The following DGLUCY variants were observed in gnomAD, a reference collection of about 807,000 sequenced individuals.
DGLUCY encodes D-glutamate cyclase.
A neutral mutation model predicts 58.5 loss-of-function variants in DGLUCY; 58 were observed. The observed-to-expected ratio is 0.99, with a 90% CI of 0.80 to 1.23. DGLUCY has a LOEUF of 1.23. DGLUCY is among the 50% of genes most tolerant of loss of function. DGLUCY has a pLI of 0.00. For synonymous variants in DGLUCY, 325 were observed against 314.1 expected (o/e 1.03, Z -0.37); for missense variants, 779 against 784.7 (o/e 0.99, Z 0.09).
chr14:91,111,194 TTA>T (rs59022805), upstream of DGLUCY, among the ~76,000 whole-genome samples: 81,152 of 118,882 alleles, frequency 0.68, 26,231 homozygotes, highest in Admixed American at 0.75. Flanking sequence ...TTCTTTTTAT[TTA>T]TATATATGTG....
chr14:91,184,014 G>C (rs560278161), intron 8 of DGLUCY, among the ~76,000 whole-genome samples: 1 of 151,930 alleles, frequency 6.6e-6, no homozygotes, highest in African/African-American at 2.4e-5. Context: ...CGGCCCACCT[G>C]ACTCTCATTC....
In DGLUCY at chr14:91,178,019, G is replaced by A. The variant is rs114091915; in HGVS notation, c.730+1963G>A. On this transcript the variant is annotated intron_variant, in intron 7 of 13. Transcript: ENST00000256324. ...CCTCACCGCTTTCCCACCATCGGTC[G>A]TGGCAGGTGCCCTGCAGAGGAGATC... 3.7e-3 allele frequency among the ~76,000 whole-genome samples: 567 copies of A among 152,352 alleles called. 6 individuals carry two copies. Among genetic ancestry groups the A allele is most frequent in the African/African-American group, 0.013 (526 of 41,582 alleles).
At chr14:91,106,528 G>T (rs1286032486), upstream of DGLUCY, among the ~76,000 whole-genome samples, 2 of 151,690 alleles carry the variant, frequency 1.3e-5, no homozygotes, top group African/African-American at 4.8e-5. Flanking sequence ...CCAACATAGT[G>T]AAACCCCGTC....
intron 1 of DGLUCY, among the ~76,000 whole-genome samples, chr14:91,132,893 A>G (rs1363101952): frequency 6.6e-6 from 1 of 152,112 alleles, no homozygotes; most frequent in Non-Finnish European, 1.5e-5. Flanking sequence ...CAGGTCCCTC[A>G]TATCAGTGGA....
chr14:91,106,161 A>C (rs1316294405), upstream of DGLUCY, among the ~76,000 whole-genome samples: 3 of 151,810 alleles, frequency 2.0e-5, no homozygotes, highest in African/African-American at 7.3e-5. Context: ...TATAAAAATT[A>C]GCCCGGCATG....
intron 1 of DGLUCY, among the ~76,000 whole-genome samples, chr14:91,102,755 G>GTGTGTGTA (rs1413551803): frequency 3.1e-4 from 46 of 149,568 alleles, no homozygotes; most frequent in Non-Finnish European, 4.9e-4. Context: ...GTGTGTGTGT[G>GTGTGTGTA]TGTGTGTGTG....
At chr14:91,223,362 G>A (rs1567020863) in intron 13 of DGLUCY, among the ~76,000 whole-genome samples, 1 of 152,180 alleles carries the variant, frequency 6.6e-6, no homozygotes. Context: ...CCTGAGCAGG[G>A]AGAGAGCCTT....
chr14:91,134,067 G>A (rs1208900773), intron 1 of DGLUCY, among the ~76,000 whole-genome samples: 1 of 152,028 alleles, frequency 6.6e-6, no homozygotes, highest in Non-Finnish European at 1.5e-5. Flanking sequence ...TTAATATCTG[G>A]TAGAGGACAA....
intron 13 of DGLUCY, among the ~76,000 whole-genome samples, chr14:91,219,190 GA>G (rs1201009568): frequency 2.6e-5 from 4 of 151,026 alleles, no homozygotes; most frequent in Admixed American, 6.6e-5. Context: ...AAAAAAAAAA[GA>G]AAAAAAAATT....
intron 1 of DGLUCY, among the ~76,000 whole-genome samples, chr14:91,098,231 A>G (rs1729096526): frequency 6.6e-6 from 1 of 152,214 alleles, no homozygotes; most frequent in African/African-American, 2.4e-5. Context: ...CTGAGGCAGG[A>G]GGATCACTTG....
At chr14:91,207,830 T>G (rs1283201318) in intron 12 of DGLUCY, among the ~76,000 whole-genome samples, 1 of 152,228 alleles carries the variant, frequency 6.6e-6, no homozygotes, top group African/African-American at 2.4e-5. Flanking sequence ...CGCCACAGCC[T>G]CCTCCTCCCA....
intron 12 of DGLUCY, among the ~76,000 whole-genome samples, chr14:91,210,437 C>A (rs1885494739): frequency 6.6e-6 from 1 of 152,068 alleles, no homozygotes; most frequent in African/African-American, 2.4e-5. Flanking sequence ...GAGGCTGAGG[C>A]AGGAGGATTG....
At chr14:91,072,050 T>G (rs938019410) in intron 1 of DGLUCY, among the ~76,000 whole-genome samples, 4 of 151,980 alleles carry the variant, frequency 2.6e-5, no homozygotes, top group Non-Finnish European at 4.4e-5. Flanking sequence ...CAGCCAGGCG[T>G]TGGGGCTCAT....
At chr14:91,224,522 TC>T (rs1210855090) in intron 13 of DGLUCY, among the ~76,000 whole-genome samples, 161 bp from the exon 14 acceptor site, 2 of 152,340 alleles carry the variant, frequency 1.3e-5, no homozygotes, top group Non-Finnish European at 2.9e-5. Flanking sequence ...CACTTACTTT[TC>T]ATGACTTTTC....
At chr14:91,103,121 G>A (rs1170767297), upstream of DGLUCY, among the ~76,000 whole-genome samples, 1 of 152,022 alleles carries the variant, frequency 6.6e-6, no homozygotes, top group Non-Finnish European at 1.5e-5. Context: ...TCAGGCCCAA[G>A]GGAGAGCAAC....
chr14:91,125,325 C>T (rs1331834156), intron 1 of DGLUCY, among the ~76,000 whole-genome samples: 1 of 152,194 alleles, frequency 6.6e-6, no homozygotes, highest in Non-Finnish European at 1.5e-5. Flanking sequence ...AGACTCTGCC[C>T]TCTGGAATGG....
chr14:91,079,118 G>A (rs901261786), intron 1 of DGLUCY, among the ~76,000 whole-genome samples: 8 of 151,732 alleles, frequency 5.3e-5, no homozygotes, highest in African/African-American at 1.9e-4. Context: ...TGGCCAGGCT[G>A]GTCTCAAACT....
intron 1 of DGLUCY, among the ~76,000 whole-genome samples, chr14:91,091,589 C>T (rs1401806015): frequency 6.6e-6 from 1 of 152,106 alleles, no homozygotes; most frequent in East Asian, 1.9e-4. Flanking sequence ...AGGGCATATG[C>T]CTTTTCCTGA....
chr14:91,077,161 A>T (rs1435491527), intron 1 of DGLUCY, among the ~76,000 whole-genome samples: 1 of 151,464 alleles, frequency 6.6e-6, no homozygotes, highest in African/African-American at 2.4e-5. Flanking sequence ...TGTGAGGATC[A>T]CTTGAGCCAA....
Sources: allele counts gnomAD v4.1 joint callset (sites outside exome capture counted in the v4.1 genomes callset), GRCh38; gene constraint gnomAD v4.1.1; transcripts MANE v1.5; gene names NCBI Gene and HGNC (gene_info 2026-07-23, HGNC 2026-07-21).